Variants in LHFPL1 observed in about 807,000 individuals in gnomAD.
The protein encoded by LHFPL1 is LHFPL tetraspan subfamily member 1.
In LHFPL1, 4 loss-of-function variants were observed where a neutral mutation model predicts 12.1. The ratio of observed to expected loss-of-function variants is 0.33; its 90% CI spans 0.16 to 0.76. LHFPL1 has a LOEUF of 0.76. Among genes scored for constraint, LHFPL1 ranks in the 30% least tolerant of loss-of-function variants. The pLI is 0.61. For missense variants in LHFPL1, 141 were observed against 174.1 expected (o/e 0.81, Z 1.07); for synonymous variants, 52 against 61.9 (o/e 0.84, Z 0.75).
chrX:112,661,160 C>G (rs754295465), intron 2 of LHFPL1, among the ~76,000 whole-genome samples: 1 of 110,948 alleles, frequency 9.0e-6, no homozygotes, highest in South Asian at 3.9e-4. Context: ...TGTAATGATT[C>G]CTGTAACTTG....
chrX:112,669,356 G>A (rs753003556), intron 2 of LHFPL1, among the ~76,000 whole-genome samples: 1 of 112,647 alleles, frequency 8.9e-6, no homozygotes, highest in Non-Finnish European at 1.9e-5. Context: ...TCCAAAGCCA[G>A]CTAAGATAAT....
At chrX:112,673,436 T>C (rs775301192) in intron 1 of LHFPL1, among the ~76,000 whole-genome samples, 1 of 111,645 alleles carries the variant, frequency 9.0e-6, no homozygotes, top group South Asian at 3.8e-4. Context: ...TTGGCCGCAA[T>C]GAGGTAATGC....
intron 3 of LHFPL1, among the ~76,000 whole-genome samples, chrX:112,638,109 T>C (rs1930396571): frequency 8.9e-6 from 1 of 111,861 alleles, no homozygotes; most frequent in South Asian, 3.8e-4. Context: ...CTAGGAATTA[T>C]TGGAATTAGA....
intron 3 of LHFPL1, among the ~76,000 whole-genome samples, chrX:112,647,189 G>A (rs58253564): frequency 0.053 from 5,879 of 111,886 alleles, 392 homozygotes; most frequent in African/African-American, 0.18. Flanking sequence ...AAAAGCAGCT[G>A]TGTCTCATTA....
intron 2 of LHFPL1, among the ~76,000 whole-genome samples, chrX:112,667,142 AT>A (rs1022697761): frequency 8.9e-6 from 1 of 112,299 alleles, no homozygotes; most frequent in African/African-American, 3.2e-5. Context: ...TTTTAGAAAC[AT>A]GGCACTCTTC....
At chrX:112,641,747 T>C (rs1421611961) in intron 3 of LHFPL1, among the ~76,000 whole-genome samples, 2 of 111,952 alleles carry the variant, frequency 1.8e-5, no homozygotes, top group African/African-American at 6.5e-5. Flanking sequence ...AGCTGTAAAA[T>C]ACAGATTCCT....
chrX:112,638,071 A>G (rs1019523981), intron 3 of LHFPL1, among the ~76,000 whole-genome samples: 9 of 110,806 alleles, frequency 8.1e-5, no homozygotes, highest in Non-Finnish European at 1.7e-4. Flanking sequence ...TGTAGATTGT[A>G]TTCCACCAGA....
intron 3 of LHFPL1, among the ~76,000 whole-genome samples, chrX:112,640,732 G>A (rs192173605): frequency 6.3e-5 from 7 of 111,120 alleles, no homozygotes; most frequent in African/African-American, 2.3e-4. Context: ...GTGTCTTAGC[G>A]TAACAACAGT....
chrX:112,666,907 T>C (rs1391684158), intron 2 of LHFPL1, among the ~76,000 whole-genome samples: 2 of 111,700 alleles, frequency 1.8e-5, no homozygotes, highest in Non-Finnish European at 3.8e-5. Flanking sequence ...CATCAGTGTA[T>C]GAAGCACAGG....
At chrX:112,634,963 T>TAAAAGA (rs1930297414) in intron 3 of LHFPL1, among the ~76,000 whole-genome samples, 1 of 111,832 alleles carries the variant, frequency 8.9e-6, no homozygotes, top group Non-Finnish European at 1.9e-5. Flanking sequence ...ATTGGCACTG[T>TAAAAGA]AAAAGAAAAA....
At chrX:112,645,639 T>C (rs1930663037) in intron 3 of LHFPL1, among the ~76,000 whole-genome samples, 1 of 111,660 alleles carries the variant, frequency 9.0e-6, no homozygotes, top group African/African-American at 3.3e-5. Context: ...AGGCAATCTA[T>C]GCCCAACCCT....
At chrX:112,645,748 G>A (rs943687894) in intron 3 of LHFPL1, among the ~76,000 whole-genome samples, 8 of 111,927 alleles carry the variant, frequency 7.1e-5, no homozygotes, top group Non-Finnish European at 1.5e-4. Context: ...ATCTTCATTT[G>A]ATGGCTGGAG....
intron 1 of LHFPL1, among the ~76,000 whole-genome samples, chrX:112,674,583 CAAAT>C (rs1390078474): frequency 1.0e-5 from 1 of 96,988 alleles, no homozygotes; most frequent in Admixed American, 1.1e-4. Flanking sequence ...CGAACTCAAA[CAAAT>C]CAGTAAGAAA....
At chrX:112,679,331 T>C (rs2147737710) in intron 1 of LHFPL1, among the ~76,000 whole-genome samples, 1 of 112,475 alleles carries the variant, frequency 8.9e-6, no homozygotes, top group East Asian at 2.8e-4. Flanking sequence ...ATGCATTCTT[T>C]TATTTCCAGC....
chrX:112,667,620 A>G (rs1044552567), intron 2 of LHFPL1, among the ~76,000 whole-genome samples: 3 of 112,529 alleles, frequency 2.7e-5, no homozygotes, highest in Non-Finnish European at 5.6e-5. Context: ...AGCATCTTGC[A>G]TATGTATAAA....
At chrX:112,668,163 C>G (rs1156829157) in intron 2 of LHFPL1, among the ~76,000 whole-genome samples, 1 of 112,171 alleles carries the variant, frequency 8.9e-6, no homozygotes, top group East Asian at 2.8e-4. Flanking sequence ...CAAACTCTTT[C>G]TCTTGTGTCT....
intron 2 of LHFPL1, among the ~76,000 whole-genome samples, chrX:112,667,459 T>C (rs1380182840): frequency 8.9e-6 from 1 of 112,350 alleles, no homozygotes; most frequent in Non-Finnish European, 1.9e-5. Flanking sequence ...CAGGTGATTC[T>C]GATACATTCC....
intron 3 of LHFPL1, among the ~76,000 whole-genome samples, chrX:112,645,585 A>C (rs1219985197): frequency 3.6e-5 from 4 of 111,870 alleles, no homozygotes; most frequent in Non-Finnish European, 7.5e-5. Context: ...GCCCAAGGTC[A>C]CAGAGCTAAG....
chrX:112,637,373 C>T (rs182938530), intron 3 of LHFPL1, among the ~76,000 whole-genome samples: 4 of 112,012 alleles, frequency 3.6e-5, no homozygotes, highest in Non-Finnish European at 5.6e-5. Flanking sequence ...CTATGCCCTT[C>T]AGGGTTGTGG....
Sources: gnomAD v4.1 joint callset for allele counts (sites outside exome capture counted in the v4.1 genomes callset) on GRCh38, gnomAD v4.1.1 for gene constraint, MANE v1.5 for transcripts, NCBI Gene and HGNC (gene_info 2026-07-23, HGNC 2026-07-21) for gene names.